NCOA7: variants seen among roughly 807,000 people sequenced by gnomAD.
The protein encoded by NCOA7 is 140 kDa estrogen receptor-associated protein.
Under a neutral mutation model 104.3 loss-of-function variants are expected in NCOA7, and 45 were observed. The observed-to-expected ratio is 0.43, with a 90% CI of 0.34 to 0.55. NCOA7 has a LOEUF of 0.55. Among genes scored for constraint, NCOA7 ranks in the 20% least tolerant of loss-of-function variants. NCOA7 has a pLI of 0.02. For missense variants in NCOA7, 1,041 were observed against 1,119.7 expected (o/e 0.93, Z 1.00); for synonymous variants, 398 against 402.3 (o/e 0.99, Z 0.13).
At chr6:125,845,681 C>T (rs1037107544) in intron 2 of NCOA7, among the ~76,000 whole-genome samples, 2 of 152,098 alleles carry the variant, frequency 1.3e-5, no homozygotes, top group Non-Finnish European at 2.9e-5. Context: ...GCAGGAGAAT[C>T]GTGTGAACCA....
intron 3 of NCOA7, among the ~76,000 whole-genome samples, chr6:125,857,893 G>A (rs538302416): frequency 5.3e-5 from 8 of 151,684 alleles, no homozygotes; most frequent in Middle Eastern, 3.4e-3. Context: ...AGCCCAAAGC[G>A]TATGCTTTTT....
chr6:125,826,336 GAA>G (rs34356104), intron 2 of NCOA7, among the ~76,000 whole-genome samples: 82 of 123,822 alleles, frequency 6.6e-4, no homozygotes, highest in Admixed American at 1.7e-3. Context: ...GTCTCTAAAA[GAA>G]AAAAAAAAAA....
At chr6:125,813,755 T>G (rs628009) in intron 1 of NCOA7, among the ~76,000 whole-genome samples, 1,998 of 152,238 alleles carry the variant, frequency 0.013, 26 homozygotes, top group Non-Finnish European at 0.021. Context: ...TGGCCGGAAA[T>G]CCATTCTTAA....
At position 125,792,205 on chromosome 6, in the gene NCOA7, G is replaced by C. The variant is rs138797372; in HGVS notation, c.-65+1138G>C. ...GAATCACAGAATTGTTCTGTAGCCG[G>C]TGAAATTTAATTGAATTTCAAAAAT... On this transcript the variant is annotated intron_variant, in intron 1 of 15. Transcript: ENST00000392477. Among the ~76,000 whole-genome samples, 858 of 152,282 alleles carry C rather than the reference G, an allele frequency of 5.6e-3. 10 individuals carry two copies. Among genetic ancestry groups the C allele is most frequent in the African/African-American group, 0.019 (802 of 41,560 alleles).
intron 2 of NCOA7, among the ~76,000 whole-genome samples, chr6:125,829,738 C>A (rs1353445138): frequency 6.7e-6 from 1 of 149,674 alleles, no homozygotes; most frequent in Non-Finnish European, 1.5e-5. Context: ...ATATGAGGAA[C>A]TAACGTCCCC....
chr6:125,870,803 G>A (rs1251930169), intron 3 of NCOA7, among the ~76,000 whole-genome samples: 1 of 152,148 alleles, frequency 6.6e-6, no homozygotes, highest in African/African-American at 2.4e-5. Flanking sequence ...CCCTTTTATG[G>A]TGTGGCAAGG....
At chr6:125,813,950 C>T (rs1777328799) in intron 1 of NCOA7, among the ~76,000 whole-genome samples, 4 of 152,010 alleles carry the variant, frequency 2.6e-5, no homozygotes. Flanking sequence ...TTCAGCAGTA[C>T]ATATCACATT....
chr6:125,899,411 A>G (rs1346340976), intron 10 of NCOA7, among the ~76,000 whole-genome samples: 5 of 152,210 alleles, frequency 3.3e-5, no homozygotes, highest in African/African-American at 9.7e-5. Flanking sequence ...ATAATCTTGA[A>G]CATTTTTTAG....
chr6:125,845,829 C>A (rs1780558766), intron 2 of NCOA7, among the ~76,000 whole-genome samples: 1 of 152,154 alleles, frequency 6.6e-6, no homozygotes, highest in Admixed American at 6.6e-5. Context: ...TCTCATACAT[C>A]CACCGAACCT....
intron 2 of NCOA7, among the ~76,000 whole-genome samples, chr6:125,837,796 A>G (rs1445931348): frequency 2.6e-5 from 4 of 152,244 alleles, no homozygotes; most frequent in Non-Finnish European, 5.9e-5. Flanking sequence ...TCATCATTGC[A>G]CTTATTAAAG....
At chr6:125,849,418 C>T (rs1221853392) in intron 2 of NCOA7, among the ~76,000 whole-genome samples, 1 of 152,164 alleles carries the variant, frequency 6.6e-6, no homozygotes, top group Non-Finnish European at 1.5e-5. Flanking sequence ...AGCCACATTG[C>T]CTCATTCTTC....
At chr6:125,917,636 T>C (rs1437587471) in intron 11 of NCOA7, among the ~76,000 whole-genome samples, 2 of 152,126 alleles carry the variant, frequency 1.3e-5, no homozygotes, top group Non-Finnish European at 2.9e-5. Flanking sequence ...TGAGGATGCA[T>C]CTGGTTAGGG....
intron 10 of NCOA7, among the ~76,000 whole-genome samples, chr6:125,896,031 AATAC>A (rs1038580743): frequency 1.2e-4 from 18 of 147,988 alleles, no homozygotes; most frequent in African/African-American, 2.5e-4. Context: ...TATATTATAT[AATAC>A]ATATATATAC....
In NCOA7 at chr6:125,828,525, T is replaced by A. The variant is rs568808933; in HGVS notation, c.50+13121T>A. On this transcript the variant is annotated intron_variant, in intron 2 of 15. Transcript: ENST00000392477. The stretch of plus-strand genomic sequence containing the variant: ...TTCAGGCCTTGGCAGGAGGAAGATG[T>A]GAGAGTCAAGGAATGGTGAGTTTTT... Among the ~76,000 whole-genome samples the A allele has an allele frequency of 2.0e-5, 3 of 152,100 alleles. No homozygotes were observed. The East Asian group carries it at 5.8e-4, about 29-fold the overall frequency.
At chr6:125,913,753 G>C in intron 10 of NCOA7, 1 of 718,116 alleles carries the variant, frequency 1.4e-6, no homozygotes, top group Non-Finnish European at 1.7e-6. Context: ...CAACAGCTCG[G>C]AAACACATTT....
intron 2 of NCOA7, among the ~76,000 whole-genome samples, chr6:125,849,816 C>A (rs887519208): frequency 4.6e-5 from 7 of 151,974 alleles, no homozygotes; most frequent in Non-Finnish European, 8.8e-5. Flanking sequence ...GTTTTTTTCC[C>A]ACTTGTACTC....
At chr6:125,908,110 A>G (rs1355759946) in intron 10 of NCOA7, among the ~76,000 whole-genome samples, 1 of 152,196 alleles carries the variant, frequency 6.6e-6, no homozygotes, top group Non-Finnish European at 1.5e-5. Context: ...ACTCACAGAA[A>G]ACCCAGCAGT....
intron 2 of NCOA7, among the ~76,000 whole-genome samples, chr6:125,835,601 G>A (rs892726189): frequency 1.6e-4 from 25 of 152,318 alleles, no homozygotes; most frequent in African/African-American, 6.0e-4. Context: ...AGCAGGCAAA[G>A]CAAATGCTTG....
chr6:125,896,220 T>C (rs1785007876), intron 10 of NCOA7, among the ~76,000 whole-genome samples: 2 of 151,910 alleles, frequency 1.3e-5, no homozygotes, highest in Non-Finnish European at 2.9e-5. Flanking sequence ...TCTTATGAAA[T>C]CCAAGAATAT....
Sources: gnomAD v4.1 joint callset for allele counts (sites outside exome capture counted in the v4.1 genomes callset) on GRCh38, gnomAD v4.1.1 for gene constraint, MANE v1.5 for transcripts, NCBI Gene and HGNC (gene_info 2026-07-23, HGNC 2026-07-21) for gene names.